The following ARID4B variants were observed in gnomAD, a reference collection of about 807,000 sequenced individuals.
ARID4B encodes the protein AT-rich interaction domain 4B.
ARID4B carries 26 observed loss-of-function variants against 147.5 expected under a neutral mutation model. The ratio of observed to expected loss-of-function variants is 0.18; its 90% CI spans 0.13 to 0.24. ARID4B has a LOEUF of 0.24. Among genes scored for constraint, ARID4B ranks in the 10% least tolerant of loss-of-function variants. The pLI is 1.00. For synonymous variants in ARID4B, 512 were observed against 507.9 expected (o/e 1.01, Z -0.11); for missense variants, 1,179 against 1,511.5 (o/e 0.78, Z 3.65).
At chr1:235,303,421 T>C (rs963536441) in intron 2 of ARID4B, among the ~76,000 whole-genome samples, 1 of 151,364 alleles carries the variant, frequency 6.6e-6, no homozygotes, top group Non-Finnish European at 1.5e-5. Context: ...CCTACACAAC[T>C]TGACTCCAAG....
intron 2 of ARID4B, among the ~76,000 whole-genome samples, chr1:235,314,514 T>G (rs1213496157): frequency 2.6e-5 from 4 of 152,210 alleles, no homozygotes; most frequent in Non-Finnish European, 5.9e-5. Flanking sequence ...CCAAGCCATA[T>G]GCTCTTAATC....
intron 2 of ARID4B, among the ~76,000 whole-genome samples, chr1:235,312,284 C>CAAAGAAAAGA (rs61523974): frequency 9.9e-5 from 15 of 151,426 alleles, no homozygotes; most frequent in African/African-American, 1.5e-4. Context: ...CAGTCCGTCT[C>CAAAGAAAAGA]AAAGAAAAGA....
At chr1:235,269,195 T>C (rs561468773) in intron 2 of ARID4B, among the ~76,000 whole-genome samples, 1 of 152,326 alleles carries the variant, frequency 6.6e-6, no homozygotes, top group South Asian at 2.1e-4. Context: ...TGTTTTAAAA[T>C]GTAGAAAAGA....
chr1:235,199,952 C>T (rs1051731107), intron 17 of ARID4B, among the ~76,000 whole-genome samples: 9 of 150,322 alleles, frequency 6.0e-5, no homozygotes, highest in Non-Finnish European at 1.2e-4. Flanking sequence ...CATTACAATA[C>T]TACCCAAGTG....
chr1:235,289,218 T>C (rs1241494217), intron 2 of ARID4B, among the ~76,000 whole-genome samples: 1 of 152,184 alleles, frequency 6.6e-6, no homozygotes, highest in Non-Finnish European at 1.5e-5. Context: ...AATGTATGAC[T>C]TACTTCAAAC....
intron 14 of ARID4B, 51 bp downstream of exon 14, chr1:235,221,511 CCTG>C (rs1276347466): frequency 3.9e-6 from 4 of 1,028,206 alleles, no homozygotes; most frequent in Non-Finnish European, 5.8e-6. Context: ...TAAATTTCAT[CCTG>C]CTTTCTAGGT....
intron 16 of ARID4B, among the ~76,000 whole-genome samples, chr1:235,217,388 T>A (rs1396854344): frequency 7.4e-6 from 1 of 134,832 alleles, no homozygotes; most frequent in East Asian, 2.0e-4. Flanking sequence ...TAAAAAAAAT[T>A]AAGTTGATGC....
rs75558119 is a variant in ARID4B, at chr1:235,235,454, C to T, written c.586-962G>A. ...CTTTTCCCTGATGAGCGAAGGATTT[C>T]GAAAACTGCACATGTGATAGCTTTG... On this transcript the variant is annotated intron_variant, in intron 8 of 23. Coordinates refer to ENST00000264183, the MANE Select transcript of ARID4B (RefSeq NM_016374.6). 4.2e-4 allele frequency among the ~76,000 whole-genome samples: 64 copies of T among 152,254 alleles called. 3 individuals carry two copies. The East Asian group carries it at 0.012, about 28-fold the overall frequency.
rs1287506807 is a variant in ARID4B at position 235,260,666 on chromosome 1, T to C, written c.93A>G (p.Thr31=). 5.0e-6 allele frequency: 8 copies of C among 1,609,554 alleles called. No individual in the cohort carries two copies. The highest frequency in any genetic ancestry group is 6.8e-6 in the Non-Finnish European group (8 of 1,178,366). The change falls in exon 3 of 24, where the codon ACA becomes ACG. Residue 31 remains threonine, a synonymous_variant. Transcript: ENST00000264183. ...CCTTGACTTTGACAAGTCTTTTTGCTGTCTTGATCTTGGCTTCACAAAAGG... is the reference window on the plus strand; with the variant it reads ...CCTTGACTTTGACAAGTCTTTTTGCCGTCTTGATCTTGGCTTCACAAAAGG... ...RGAFCEAKIK[T]AKRLVKVKVT...
chr1:235,231,085 T>C (rs1328526920), intron 10 of ARID4B, 28 bp downstream of exon 10: 1 of 1,472,742 alleles, frequency 6.8e-7, no homozygotes, highest in Admixed American at 2.1e-5. Context: ...TTTACAGTAC[T>C]TGTAATTTAT....
At chr1:235,301,275 C>T (rs966611092) in intron 2 of ARID4B, among the ~76,000 whole-genome samples, 4 of 151,710 alleles carry the variant, frequency 2.6e-5, no homozygotes, top group South Asian at 4.2e-4. Flanking sequence ...TGGTGGCTCA[C>T]GCCTGTTATC....
At chr1:235,280,137 T>C (rs1337457571) in intron 2 of ARID4B, among the ~76,000 whole-genome samples, 1 of 152,206 alleles carries the variant, frequency 6.6e-6, no homozygotes, top group Non-Finnish European at 1.5e-5. Flanking sequence ...ATGAGCTCTT[T>C]GACAGTCATA....
At chr1:235,281,242 A>G (rs1236382614) in intron 2 of ARID4B, among the ~76,000 whole-genome samples, 1 of 152,002 alleles carries the variant, frequency 6.6e-6, no homozygotes, top group Non-Finnish European at 1.5e-5. Flanking sequence ...ACATAGGGAA[A>G]CTGCCTCTGT....
intron 1 of ARID4B, 59 bp from the exon 2 acceptor site, chr1:235,327,027 A>C: frequency 8.3e-7 from 1 of 1,207,878 alleles, no homozygotes; most frequent in Non-Finnish European, 1.2e-6. Flanking sequence ...GCACTGGCGG[A>C]GGCGGAGGGA....
At chr1:235,186,633 C>G (rs1024128685) in intron 19 of ARID4B, among the ~76,000 whole-genome samples, 7 of 151,970 alleles carry the variant, frequency 4.6e-5, no homozygotes, top group Non-Finnish European at 1.0e-4. Context: ...AAACTCCTGA[C>G]CTCAGATGAT....
intron 19 of ARID4B, among the ~76,000 whole-genome samples, chr1:235,191,063 G>A (rs535538269): frequency 8.5e-5 from 13 of 152,134 alleles, no homozygotes; most frequent in African/African-American, 2.9e-4. Context: ...TCCCTTCCAT[G>A]TCTTATGTGC....
chr1:235,201,101 C>T (rs1665884233), intron 17 of ARID4B, among the ~76,000 whole-genome samples: 1 of 152,018 alleles, frequency 6.6e-6, no homozygotes, highest in Non-Finnish European at 1.5e-5. Context: ...GCCAAGATCG[C>T]ACCACTGTGC....
At chr1:235,239,584 C>T (rs1668850056) in intron 8 of ARID4B, among the ~76,000 whole-genome samples, 1 of 152,046 alleles carries the variant, frequency 6.6e-6, no homozygotes, top group Non-Finnish European at 1.5e-5. Flanking sequence ...TTTCAACTTG[C>T]TAAAGAAGCT....
rs771083155 is a variant in ARID4B, at chr1:235,246,508, A to G, written c.358T>C (p.Leu120=). Residue 120 remains leucine (L), a synonymous_variant, in exon 7 of 24, where the codon TTA becomes CTA. Transcript: ENST00000264183. ...GGGTTGGTGAGTGGGAGCTGGTCTA[A>G]TGTCTGTGGGTAAGAACATAAACCC... ...GERHFAESET[L]DQLPLTNPEH... The G allele has an allele frequency of 3.1e-6, 5 of 1,612,470 alleles. No individual in the cohort carries two copies. Among genetic ancestry groups the G allele is most frequent in the Non-Finnish European group, 4.2e-6 (5 of 1,178,540 alleles).
Sources: gnomAD v4.1 joint callset for allele counts (sites outside exome capture counted in the v4.1 genomes callset) on GRCh38, gnomAD v4.1.1 for gene constraint, MANE v1.5 for transcripts, NCBI Gene and HGNC (gene_info 2026-07-23, HGNC 2026-07-21) for gene names.